Variants in TNR observed in about 807,000 individuals in gnomAD.
TNR encodes the protein tenascin R.
TNR carries 45 observed loss-of-function variants against 150.4 expected under a neutral mutation model. That is an observed-to-expected ratio of 0.30 (90% CI 0.24 to 0.38). TNR has a LOEUF of 0.38. TNR is among the 10% of genes least tolerant of loss of function. The pLI is 1.00. For missense variants in TNR, 1,544 were observed against 1,759.1 expected (o/e 0.88, Z 2.19); for synonymous variants, 687 against 678.4 (o/e 1.01, Z -0.20).
intron 1 of TNR, among the ~76,000 whole-genome samples, chr1:175,608,469 T>C (rs1663483680): frequency 6.6e-6 from 1 of 152,196 alleles, no homozygotes; most frequent in Non-Finnish European, 1.5e-5. Context: ...TTTTTGACCT[T>C]GGGATAGGCA....
chr1:175,678,361 C>G (rs931283535), intron 1 of TNR, among the ~76,000 whole-genome samples: 6 of 152,198 alleles, frequency 3.9e-5, no homozygotes, highest in African/African-American at 1.2e-4. Context: ...TTCACATCTC[C>G]AGAGGACGGC....
intron 2 of TNR, among the ~76,000 whole-genome samples, chr1:175,423,629 A>G (rs1428387999): frequency 6.6e-6 from 1 of 152,188 alleles, no homozygotes; most frequent in East Asian, 1.9e-4. Flanking sequence ...ACTAGACCCT[A>G]AGAAACCAGA....
intron 2 of TNR, among the ~76,000 whole-genome samples, chr1:175,494,990 G>A (rs1393537892): frequency 6.6e-6 from 1 of 152,170 alleles, no homozygotes; most frequent in East Asian, 1.9e-4. Context: ...TCATGTACAG[G>A]AGACCTCTAT....
At chr1:175,683,520 G>A (rs1339990054) in intron 1 of TNR, among the ~76,000 whole-genome samples, 2 of 152,198 alleles carry the variant, frequency 1.3e-5, no homozygotes, top group Admixed American at 6.5e-5. Flanking sequence ...GGCAGGTGGA[G>A]CCTCTAAGCT....
At chr1:175,557,086 C>T (rs1310747240) in intron 1 of TNR, among the ~76,000 whole-genome samples, 1 of 152,202 alleles carries the variant, frequency 6.6e-6, no homozygotes, top group African/African-American at 2.4e-5. Context: ...TTGAAGGCAG[C>T]CTCTCACAGA....
At chr1:175,461,442 A>G (rs116303541) in intron 2 of TNR, among the ~76,000 whole-genome samples, 2,133 of 152,288 alleles carry the variant, frequency 0.014, 44 homozygotes, top group African/African-American at 0.049. Context: ...TATTAGATTC[A>G]CTTCCCCCAA....
chr1:175,613,335 G>C (rs1365014761), intron 1 of TNR, among the ~76,000 whole-genome samples: 2 of 152,078 alleles, frequency 1.3e-5, no homozygotes, highest in East Asian at 1.9e-4. Context: ...TCCAAATCTG[G>C]GGTATTTTGT....
chr1:175,638,238 T>C (rs1301777330), intron 1 of TNR, among the ~76,000 whole-genome samples: 1 of 152,218 alleles, frequency 6.6e-6, no homozygotes, highest in African/African-American at 2.4e-5. Flanking sequence ...GCCTTACAAC[T>C]CTGCTCTTGT....
chr1:175,468,351 T>C (rs1339758965), intron 2 of TNR, among the ~76,000 whole-genome samples: 3 of 152,160 alleles, frequency 2.0e-5, no homozygotes, highest in Non-Finnish European at 4.4e-5. Context: ...CTGTGCAACT[T>C]AATTGAGGTG....
intron 1 of TNR, among the ~76,000 whole-genome samples, chr1:175,684,443 A>G (rs1487606511): frequency 1.3e-5 from 2 of 152,216 alleles, no homozygotes; most frequent in Non-Finnish European, 2.9e-5. Context: ...AATTAGGACT[A>G]TAAAACCTAA....
At chr1:175,703,336 TC>T (rs1261224695) in intron 1 of TNR, among the ~76,000 whole-genome samples, 1 of 152,234 alleles carries the variant, frequency 6.6e-6, no homozygotes, top group African/African-American at 2.4e-5. Context: ...ACTGTGATGT[TC>T]CTTTGCACTC....
At chr1:175,455,663 GA>G (rs1247345303) in intron 2 of TNR, among the ~76,000 whole-genome samples, 1 of 152,232 alleles carries the variant, frequency 6.6e-6, no homozygotes, top group East Asian at 1.9e-4. Flanking sequence ...TGAAAAGCCA[GA>G]AGGGTTGTTT....
chr1:175,654,716 CTTCTTT>C lies in TNR; in HGVS notation c.-165+88504_-165+88509del, dbSNP rs1375194350. ...TTCCACTATCTCCAACAAAAGTTCC[CTTCTTT>C]TTTTTTTTTTTTTTTTTTTTTGGAG... is the stretch of plus-strand genomic sequence containing the variant. On this transcript the variant is annotated intron_variant, in intron 1 of 22. Coordinates refer to ENST00000367674, the MANE Select transcript of TNR (RefSeq NM_003285.3). 1.5e-3 allele frequency among the ~76,000 whole-genome samples: 217 copies of C among 142,056 alleles called. 1 individual carries two copies. Among genetic ancestry groups the C allele is most frequent in the African/African-American group, 5.6e-3 (209 of 37,510 alleles). The allele number at this position is 142,056 out of a possible 152,430, so 93.2% of individuals were successfully genotyped here.
chr1:175,714,563 C>A (rs1667101861), intron 1 of TNR, among the ~76,000 whole-genome samples: 1 of 152,190 alleles, frequency 6.6e-6, no homozygotes, highest in Admixed American at 6.5e-5. Flanking sequence ...CAGCCCCTTT[C>A]TCAGCCCTGC....
intron 1 of TNR, among the ~76,000 whole-genome samples, chr1:175,637,398 G>C (rs1664518015): frequency 6.6e-6 from 1 of 152,170 alleles, no homozygotes; most frequent in Non-Finnish European, 1.5e-5. Context: ...AAGCCATTTA[G>C]TTTCTCCAAC....
intron 2 of TNR, among the ~76,000 whole-genome samples, chr1:175,524,293 G>A (rs538789306): frequency 6.6e-6 from 1 of 152,206 alleles, no homozygotes; most frequent in African/African-American, 2.4e-5. Context: ...GCACGGGTAG[G>A]TAGGATGCAC....
rs573078163 is a variant in TNR at position 175,607,121 on chromosome 1, T to C, written c.-164-78752A>G. Reference sequence around the variant, plus strand: ...GTTCTGTTAACAAAACATCCATCTATCCCATTTCTTTCTATTTCTTCTTTC... The same window carrying C: ...GTTCTGTTAACAAAACATCCATCTACCCCATTTCTTTCTATTTCTTCTTTC... On this transcript the variant is annotated intron_variant, in intron 1 of 22. Coordinates refer to ENST00000367674, the MANE Select transcript of TNR (RefSeq NM_003285.3). Among the ~76,000 whole-genome samples, 9 of 152,324 alleles carry C rather than the reference T, an allele frequency of 5.9e-5. No individual in the cohort carries two copies. The East Asian group carries it at 1.7e-3, about 29-fold the overall frequency.
At chr1:175,607,035 G>A (rs1021952391) in intron 1 of TNR, among the ~76,000 whole-genome samples, 8 of 152,136 alleles carry the variant, frequency 5.3e-5, no homozygotes, top group African/African-American at 1.9e-4. Context: ...TTTGTCCTGC[G>A]GTCTGCCTCT....
intron 2 of TNR, among the ~76,000 whole-genome samples, chr1:175,443,177 T>C (rs1006736471): frequency 6.6e-6 from 1 of 152,342 alleles, no homozygotes; most frequent in Admixed American, 6.5e-5. Context: ...AAAATGTCTT[T>C]ACTTTATGCC....
Sources: allele counts gnomAD v4.1 joint callset (sites outside exome capture counted in the v4.1 genomes callset), GRCh38; gene constraint gnomAD v4.1.1; transcripts MANE v1.5; gene names NCBI Gene and HGNC (gene_info 2026-07-23, HGNC 2026-07-21).